Variants in CDH8 observed in about 807,000 individuals in gnomAD.
The protein encoded by CDH8 is cadherin 8, also known as cadherin-8.
In CDH8, 17 loss-of-function variants were observed where a neutral mutation model predicts 68.1. The ratio of observed to expected loss-of-function variants is 0.25; its 90% CI spans 0.17 to 0.37. CDH8 has a LOEUF of 0.37. CDH8 is among the 10% of genes least tolerant of loss of function. The pLI, the probability that CDH8 is intolerant of heterozygous loss-of-function variation, is 1.00. For missense variants in CDH8, 763 were observed against 999.3 expected, an observed-to-expected ratio of 0.76 and a Z score of 3.19; for synonymous variants, 372 against 365.1, an observed-to-expected ratio of 1.02 and a Z score of -0.21.
At chr16:61,788,426 C>T (rs1349004693) in intron 8 of CDH8, among the ~76,000 whole-genome samples, 2 of 151,858 alleles carry the variant, frequency 1.3e-5, no homozygotes, top group Non-Finnish European at 2.9e-5. Context: ...TTCCCTTTAC[C>T]TCAACTCTCT....
chr16:61,780,689 G>T (rs1961027606), intron 8 of CDH8, among the ~76,000 whole-genome samples: 1 of 152,094 alleles, frequency 6.6e-6, no homozygotes, highest in African/African-American at 2.4e-5. Flanking sequence ...TTTTCCCCAA[G>T]ACATGGTCTG....
At chr16:61,994,891 G>A (rs1965783814) in intron 2 of CDH8, among the ~76,000 whole-genome samples, 1 of 152,188 alleles carries the variant, frequency 6.6e-6, no homozygotes, top group Non-Finnish European at 1.5e-5. Flanking sequence ...AGGAAAAACA[G>A]CAAAATATCA....
At chr16:61,926,370 A>G (rs1238160576) in intron 2 of CDH8, among the ~76,000 whole-genome samples, 1 of 152,144 alleles carries the variant, frequency 6.6e-6, no homozygotes, top group Non-Finnish European at 1.5e-5. Context: ...ATTAATCTCC[A>G]ATACTTCACA....
chr16:61,745,125 T>A (rs921012481), intron 8 of CDH8, among the ~76,000 whole-genome samples: 1 of 151,636 alleles, frequency 6.6e-6, no homozygotes, highest in African/African-American at 2.4e-5. Flanking sequence ...AGAAAACAAC[T>A]TAATTTGAAG....
At chr16:61,684,441 T>C (rs969167802) in intron 10 of CDH8, among the ~76,000 whole-genome samples, 2 of 152,012 alleles carry the variant, frequency 1.3e-5, no homozygotes, top group African/African-American at 4.8e-5. Flanking sequence ...AAAATCCAGA[T>C]AGAGCTTAAT....
chr16:61,673,224 AT>A (rs1438945567), intron 10 of CDH8, among the ~76,000 whole-genome samples: 1 of 152,066 alleles, frequency 6.6e-6, no homozygotes, highest in Admixed American at 6.6e-5. Flanking sequence ...CATTTTATAA[AT>A]TTCTATCTTT....
chr16:61,916,858 C>G (rs1020374115), intron 2 of CDH8, among the ~76,000 whole-genome samples: 1 of 151,976 alleles, frequency 6.6e-6, no homozygotes, highest in Non-Finnish European at 1.5e-5. Flanking sequence ...GTCAGAAACA[C>G]CAGAGGGAGA....
chr16:61,702,892 G>A (rs139870659), intron 10 of CDH8, among the ~76,000 whole-genome samples: 1 of 152,086 alleles, frequency 6.6e-6, no homozygotes, highest in Non-Finnish European at 1.5e-5. Flanking sequence ...AGGAAAAATG[G>A]CAATAATAAT....
intron 2 of CDH8, among the ~76,000 whole-genome samples, chr16:61,907,489 A>C (rs776136328): frequency 1.3e-5 from 2 of 151,938 alleles, no homozygotes; most frequent in Non-Finnish European, 2.9e-5. Flanking sequence ...GGCCAGCCTG[A>C]GCAACAAAGT....
chr16:61,781,963 A>C (rs2142992454), intron 8 of CDH8, among the ~76,000 whole-genome samples: 1 of 152,312 alleles, frequency 6.6e-6, no homozygotes, highest in East Asian at 1.9e-4. Context: ...GAAACAGCAA[A>C]GTTTCCAAAG....
At chr16:61,902,393 T>C (rs559971518) in intron 2 of CDH8, among the ~76,000 whole-genome samples, 15 of 152,262 alleles carry the variant, frequency 9.9e-5, no homozygotes, top group Non-Finnish European at 1.8e-4. Context: ...TCTAATATTA[T>C]ACACGGTGTC....
intron 7 of CDH8, among the ~76,000 whole-genome samples, chr16:61,813,504 G>A (rs1394121544): frequency 2.0e-5 from 3 of 152,210 alleles, no homozygotes; most frequent in Non-Finnish European, 2.9e-5. Context: ...CTCTTGTGCA[G>A]ATGAGGGAAC....
chr16:62,030,693 T>A (rs113963566), intron 1 of CDH8, among the ~76,000 whole-genome samples: 1 of 152,170 alleles, frequency 6.6e-6, no homozygotes, highest in Non-Finnish European at 1.5e-5. Context: ...GCAAATGAAC[T>A]ATAAATATAC....
At chr16:61,755,197 C>T (rs1225224568) in intron 8 of CDH8, among the ~76,000 whole-genome samples, 1 of 152,076 alleles carries the variant, frequency 6.6e-6, no homozygotes, top group Non-Finnish European at 1.5e-5. Context: ...GTGAAGAGTG[C>T]AAAGTATTGG....
intron 3 of CDH8, among the ~76,000 whole-genome samples, chr16:61,897,843 C>T (rs1161553790): frequency 1.3e-5 from 2 of 152,054 alleles, no homozygotes; most frequent in African/African-American, 4.8e-5. Flanking sequence ...TTTCTCAGTT[C>T]CTGTTTGTAA....
chr16:61,858,029 C>T (rs866677245), intron 3 of CDH8, among the ~76,000 whole-genome samples: 1 of 151,846 alleles, frequency 6.6e-6, no homozygotes, highest in Non-Finnish European at 1.5e-5. Context: ...CTTCCACCTG[C>T]CTCCCCAAGT....
chr16:61,733,347 G>A (rs1332268309), intron 8 of CDH8, among the ~76,000 whole-genome samples: 2 of 151,562 alleles, frequency 1.3e-5, no homozygotes, highest in Non-Finnish European at 2.9e-5. Context: ...TTTTCTGTAA[G>A]GAATATAACT....
At chr16:62,021,109 C>A in intron 2 of CDH8, 43 bp downstream of exon 2, 1 of 1,550,118 alleles carries the variant, frequency 6.5e-7, no homozygotes, top group Non-Finnish European at 8.9e-7. Flanking sequence ...ATCTTAAGAC[C>A]ACTAACAGAC....
chr16:61,872,603 T>C (rs1963389007), intron 3 of CDH8, among the ~76,000 whole-genome samples: 1 of 152,140 alleles, frequency 6.6e-6, no homozygotes, highest in African/African-American at 2.4e-5. Flanking sequence ...ACATTGTGAA[T>C]GCTTCTCATA....
Sources: gnomAD v4.1 joint callset for allele counts (sites outside exome capture counted in the v4.1 genomes callset) on GRCh38, gnomAD v4.1.1 for gene constraint, MANE v1.5 for transcripts, NCBI Gene and HGNC (gene_info 2026-07-23, HGNC 2026-07-21) for gene names.